GCNT2: variants seen among roughly 807,000 people sequenced by gnomAD.
GCNT2 encodes the protein N-acetyllactosaminide beta-1,6-N-acetylglucosaminyl-transferase.
In GCNT2, 34 loss-of-function variants were observed where a neutral mutation model predicts 34.2. The ratio of observed to expected loss-of-function variants is 1.00; its 90% CI spans 0.76 to 1.32. GCNT2 has a LOEUF of 1.32. Ranked by LOEUF, GCNT2 falls within the 40% of genes most tolerant of loss-of-function variation. GCNT2 has a pLI of 0.00. For synonymous variants in GCNT2, 212 were observed against 188.0 expected (o/e 1.13, Z -1.04); for missense variants, 584 against 489.4 (o/e 1.19, Z -1.82).
intron 3 of GCNT2, among the ~76,000 whole-genome samples, chr6:10,579,826 C>CAAAAAAAAAAAAAAAA (rs61490868): frequency 6.7e-5 from 6 of 89,886 alleles, no homozygotes; most frequent in Non-Finnish European, 1.2e-4. Flanking sequence ...AAAAAACAAA[C>CAAAAAAAAAAAAAAAA]AAAAAAAAAA....
At chr6:10,537,960 A>C (rs1340455226) in intron 3 of GCNT2, among the ~76,000 whole-genome samples, 1 of 152,056 alleles carries the variant, frequency 6.6e-6, no homozygotes, top group Non-Finnish European at 1.5e-5. Flanking sequence ...ATGATCTCAT[A>C]GCTGACCGGG....
chr6:10,557,261 C>A, intron 3 of GCNT2: 2 of 1,611,284 alleles, frequency 1.2e-6, no homozygotes, highest in Non-Finnish European at 1.7e-6. Context: ...GCATGACCCA[C>A]GGGCTGTTGA....
intron 3 of GCNT2, among the ~76,000 whole-genome samples, chr6:10,582,367 T>A (rs1299763778): frequency 3.5e-5 from 4 of 113,004 alleles, no homozygotes; most frequent in Admixed American, 2.1e-4. Context: ...AAATATAATA[T>A]ATACTATAAT....
chr6:10,593,565 A>G (rs1444412505), intron 3 of GCNT2, among the ~76,000 whole-genome samples: 1 of 152,126 alleles, frequency 6.6e-6, no homozygotes, highest in Non-Finnish European at 1.5e-5. Context: ...CTCAAACTCC[A>G]GGGCTCAATT....
chr6:10,551,707 T>A (rs1340712219), intron 3 of GCNT2, among the ~76,000 whole-genome samples: 1 of 151,674 alleles, frequency 6.6e-6, no homozygotes, highest in Non-Finnish European at 1.5e-5. Context: ...CCTCCCAAAG[T>A]GCTGGGATTA....
intron 3 of GCNT2, among the ~76,000 whole-genome samples, chr6:10,548,537 A>G (rs1235453560): frequency 6.6e-6 from 1 of 152,194 alleles, no homozygotes; most frequent in Non-Finnish European, 1.5e-5. Context: ...TCTTATTACC[A>G]TCCACTCCAC....
At chr6:10,581,977 C>T (rs911585154) in intron 3 of GCNT2, 6 of 317,714 alleles carry the variant, frequency 1.9e-5, no homozygotes, top group African/African-American at 1.4e-4. Context: ...TATATATACA[C>T]ACACTTATAT....
At chr6:10,598,664 G>T (rs1389319247) in intron 3 of GCNT2, among the ~76,000 whole-genome samples, 2 of 152,162 alleles carry the variant, frequency 1.3e-5, no homozygotes, top group Non-Finnish European at 2.9e-5. Context: ...TCTTAATGTA[G>T]CACATTTCCC....
intron 3 of GCNT2, among the ~76,000 whole-genome samples, chr6:10,533,016 A>G (rs552733192): frequency 6.6e-6 from 1 of 150,434 alleles, no homozygotes; most frequent in South Asian, 2.1e-4. Context: ...CTGTAAAGTA[A>G]CTAGTCCAGG....
chr6:10,586,959 C>T, intron 3 of GCNT2: 1 of 1,330,274 alleles, frequency 7.5e-7, no homozygotes, highest in Non-Finnish European at 1.1e-6. Context: ...AGTTTGCTAA[C>T]ATTCTGCTCG....
intron 3 of GCNT2, among the ~76,000 whole-genome samples, chr6:10,535,325 T>A (rs544448413): frequency 2.2e-4 from 33 of 152,328 alleles, no homozygotes; most frequent in South Asian, 2.1e-3. Flanking sequence ...CACATATGGC[T>A]TTAAAGATGT....
At chr6:10,581,991 TATATAA>T in intron 3 of GCNT2, 2 of 261,028 alleles carry the variant, frequency 7.7e-6, no homozygotes. Flanking sequence ...CTTATATGTA[TATATAA>T]ATATATTTAT....
chr6:10,524,128 G>C (rs1273259861), intron 1 of GCNT2, among the ~76,000 whole-genome samples: 1 of 151,938 alleles, frequency 6.6e-6, no homozygotes, highest in Non-Finnish European at 1.5e-5. Flanking sequence ...ACAAACGGGT[G>C]TTGTTTTCTC....
chr6:10,620,407 A>ATTT (rs570105927), intron 3 of GCNT2, among the ~76,000 whole-genome samples: 15 of 146,412 alleles, frequency 1.0e-4, no homozygotes, highest in African/African-American at 3.0e-4. Context: ...TCTTTTTTTA[A>ATTT]TTTTTTTTTT....
rs1227239837 is a variant in GCNT2 at position 10,628,325 on chromosome 6, AAC to A, written c.*1722_*1723del. The stretch of plus-strand genomic sequence containing the variant: ...CTACAAATGGATGACACATTTAATG[AAC>A]ACAATTTTATTTTTTTTCTGTAACT... On this transcript the variant is annotated 3_prime_UTR_variant, in exon 5 of 5. Coordinates refer to ENST00000495262, the MANE Select transcript of GCNT2 (RefSeq NM_145649.5). 6.6e-6 allele frequency: 1 copy of A among 152,650 alleles called. No homozygotes were observed. The highest frequency in any genetic ancestry group is 1.5e-5 in the Non-Finnish European group (1 of 68,036). The allele number at this position is 152,650 out of a possible 1,614,324, so 9.5% of individuals were successfully genotyped here. A position where few individuals can be genotyped will look rare whatever the true frequency, so the allele number is the denominator to read the frequency against.
At chr6:10,534,213 C>T (rs984983180) in intron 3 of GCNT2, among the ~76,000 whole-genome samples, 3 of 145,486 alleles carry the variant, frequency 2.1e-5, no homozygotes, top group Non-Finnish European at 4.5e-5. Flanking sequence ...GTCATCTTGG[C>T]TCACTGCAAC....
Position 10,529,559 on chromosome 6 carries a change from C to G in GCNT2, c.648C>G (p.Thr216=). 1 of 1,614,110 alleles carries G rather than the reference C, an allele frequency of 6.2e-7. No homozygotes were observed. Among genetic ancestry groups the G allele is most frequent in the Non-Finnish European group, 8.5e-7 (1 of 1,180,002 alleles). ...AGGGATTTAAAGGGAAAAATATCAC[C>G]CCCGGAGTGCTGCCTCCTGACCACG... ...YLKGFKGKNI[T]PGVLPPDHAV... The change falls in exon 3 of 5, where the codon ACC becomes ACG. Residue 216 remains threonine, a synonymous_variant. Transcript: ENST00000495262.
At chr6:10,536,032 C>G (rs1761735518) in intron 3 of GCNT2, among the ~76,000 whole-genome samples, 1 of 152,054 alleles carries the variant, frequency 6.6e-6, no homozygotes. Flanking sequence ...GCTGATATAT[C>G]CCGTTAGTTC....
At chr6:10,600,235 G>A (rs1281865982) in intron 3 of GCNT2, among the ~76,000 whole-genome samples, 1 of 152,136 alleles carries the variant, frequency 6.6e-6, no homozygotes, top group East Asian at 1.9e-4. Flanking sequence ...TCAATGACAG[G>A]ATTCTTAAAA....
Sources: allele counts gnomAD v4.1 joint callset (sites outside exome capture counted in the v4.1 genomes callset), GRCh38; gene constraint gnomAD v4.1.1; transcripts MANE v1.5; gene names NCBI Gene and HGNC (gene_info 2026-07-23, HGNC 2026-07-21).